OPCML: variants seen among roughly 807,000 people sequenced by gnomAD.
OPCML encodes opioid binding protein/cell adhesion molecule like.
In OPCML, 13 loss-of-function variants were observed where a neutral mutation model predicts 37.8. The observed-to-expected ratio is 0.34, with a 90% CI of 0.22 to 0.55. The LOEUF (loss-of-function observed/expected upper bound fraction) is 0.55, where lower values mean the gene tolerates loss of function less well. Ranked by LOEUF, OPCML falls within the 20% of genes least tolerant of loss-of-function variation. OPCML has a pLI of 0.91. For synonymous variants in OPCML, 176 were observed against 168.8 expected, an observed-to-expected ratio of 1.04 and a Z score of -0.33; for missense variants, 341 against 435.6, an observed-to-expected ratio of 0.78 and a Z score of 1.93.
chr11:132,470,393 G>C (rs1334123815), intron 4 of OPCML, among the ~76,000 whole-genome samples: 3 of 152,134 alleles, frequency 2.0e-5, no homozygotes, highest in Non-Finnish European at 4.4e-5. Context: ...GTGCTACAAT[G>C]AGATGGATAG....
chr11:133,343,475 T>C (rs1186838188), intron 1 of OPCML, among the ~76,000 whole-genome samples: 1 of 152,188 alleles, frequency 6.6e-6, no homozygotes, highest in African/African-American at 2.4e-5. Flanking sequence ...TATATTGCAA[T>C]TTCCTTCTGC....
rs921615883 is a variant in OPCML, at chr11:132,943,344, C to G, written c.62-334G>C. On this transcript the variant is annotated intron_variant, in intron 1 of 7. Transcript: ENST00000524381. This position sits in a 1 kb window ranked among gnomAD's most constrained non-coding sequence, Gnocchi z 4.3. ...ATCCAAAAAGAGCTTTCTTGACGCT[C>G]CCCTGGGGAGGAGGGAGGCGGCCAG... The G allele has an allele frequency of 1.8e-5, 10 of 560,144 alleles. No individual in the cohort carries two copies. In the Admixed American group the frequency reaches 2.1e-4, roughly 12 times the overall value. 34.7% of individuals were successfully genotyped at this position (560,144 alleles called of 1,614,324 possible). A position where few individuals can be genotyped will look rare whatever the true frequency, so the allele number is the denominator to read the frequency against.
chr11:132,543,293 CTTGAGA>C (rs781630820), intron 3 of OPCML, among the ~76,000 whole-genome samples: 9 of 152,090 alleles, frequency 5.9e-5, no homozygotes, highest in Non-Finnish European at 8.8e-5. Context: ...GGAAGGATTG[CTTGAGA>C]CCAGGAGTTT....
chr11:133,514,441 A>G (rs1948220618), intron 1 of OPCML, among the ~76,000 whole-genome samples: 1 of 152,298 alleles, frequency 6.6e-6, no homozygotes, highest in African/African-American at 2.4e-5. Flanking sequence ...TCAGCTTCCC[A>G]TGTGTGCTCC....
intron 1 of OPCML, among the ~76,000 whole-genome samples, chr11:133,038,965 G>C (rs1466028332): frequency 6.6e-6 from 1 of 152,220 alleles, no homozygotes; most frequent in Non-Finnish European, 1.5e-5. Flanking sequence ...GACAGTTTCA[G>C]AAATCAGCGG....
intron 1 of OPCML, among the ~76,000 whole-genome samples, chr11:133,132,825 G>A (rs953321441): frequency 3.4e-5 from 5 of 148,738 alleles, no homozygotes; most frequent in African/African-American, 1.2e-4. Flanking sequence ...TGATAGAAGC[G>A]ATCAGTATTT....
intron 3 of OPCML, among the ~76,000 whole-genome samples, chr11:132,544,352 C>T (rs2096364033): frequency 6.6e-6 from 1 of 152,104 alleles, no homozygotes; most frequent in African/African-American, 2.4e-5. Context: ...ACTAAGGCTC[C>T]CATTCCCTTG....
At chr11:133,082,612 C>CTCTCCT (rs1565438100) in intron 1 of OPCML, among the ~76,000 whole-genome samples, 5 of 92,948 alleles carry the variant, frequency 5.4e-5, no homozygotes, top group Non-Finnish European at 6.8e-5. Context: ...TCCCCCTTTC[C>CTCTCCT]CCTCTTACTA....
intron 3 of OPCML, among the ~76,000 whole-genome samples, chr11:132,590,805 G>C (rs1315618965): frequency 6.6e-6 from 1 of 152,120 alleles, no homozygotes; most frequent in African/African-American, 2.4e-5. Flanking sequence ...ATCCCTTTGT[G>C]TACTCTGCCT....
chr11:133,072,642 GGA>G (rs1948556160), intron 1 of OPCML, among the ~76,000 whole-genome samples: 1 of 152,180 alleles, frequency 6.6e-6, no homozygotes, highest in South Asian at 2.1e-4. Context: ...AGTTAGAGAA[GGA>G]GAGTGCGCTA....
At chr11:132,610,927 G>A (rs2137842109) in intron 3 of OPCML, among the ~76,000 whole-genome samples, 1 of 152,004 alleles carries the variant, frequency 6.6e-6, no homozygotes, top group Non-Finnish European at 1.5e-5. Flanking sequence ...TATACCTCAG[G>A]GGAGAGCTCC....
chr11:133,455,411 C>CT (rs1946654575), intron 1 of OPCML, among the ~76,000 whole-genome samples: 1 of 152,118 alleles, frequency 6.6e-6, no homozygotes, highest in South Asian at 2.1e-4. Flanking sequence ...TTTGGGGGTT[C>CT]TTTTTGCATC....
intron 1 of OPCML, among the ~76,000 whole-genome samples, chr11:133,262,633 T>C (rs1011366099): frequency 1.3e-5 from 2 of 152,202 alleles, no homozygotes; most frequent in African/African-American, 4.8e-5. Flanking sequence ...CCTACTGCCT[T>C]CTTTGCCAAC....
intron 4 of OPCML, among the ~76,000 whole-genome samples, chr11:132,509,565 T>C (rs2096264399): frequency 6.6e-6 from 1 of 152,158 alleles, no homozygotes; most frequent in Non-Finnish European, 1.5e-5. Context: ...CCTAGGGACT[T>C]GGTGCCCTGT....
chr11:132,501,997 T>G (rs2096246683), intron 4 of OPCML, among the ~76,000 whole-genome samples: 1 of 152,234 alleles, frequency 6.6e-6, no homozygotes, highest in Non-Finnish European at 1.5e-5. Flanking sequence ...ACACCTGCAT[T>G]GTTAAATGAT....
intron 1 of OPCML, among the ~76,000 whole-genome samples, chr11:133,106,986 CAGT>C (rs1949169254): frequency 6.6e-6 from 1 of 152,146 alleles, no homozygotes; most frequent in Non-Finnish European, 1.5e-5. Context: ...ACTTTCAACT[CAGT>C]AGGTAATACG....
intron 1 of OPCML, among the ~76,000 whole-genome samples, chr11:133,230,624 C>T (rs1940237837): frequency 6.6e-6 from 1 of 152,186 alleles, no homozygotes; most frequent in Non-Finnish European, 1.5e-5. Context: ...TGTTTGGTGG[C>T]CATAACTCAG....
intron 1 of OPCML, chr11:133,418,107 G>A: frequency 1.0e-6 from 1 of 985,426 alleles, no homozygotes; most frequent in Non-Finnish European, 1.2e-6. Context: ...CGGAGGACTG[G>A]TAAGAATATG....
chr11:132,888,506 G>A lies in OPCML; in HGVS notation c.146+54420C>T, dbSNP rs150843813. The stretch of plus-strand genomic sequence containing the variant: ...CATTTGTTTCAGTTTCTCCCCCCAC[G>A]CATCTGCTGTCCTTGCAAAGCAGGA... On this transcript the variant is annotated intron_variant, in intron 2 of 7. Coordinates refer to ENST00000524381, the MANE Select transcript of OPCML (RefSeq NM_001012393.5). 1.7e-3 allele frequency among the ~76,000 whole-genome samples: 261 copies of A among 151,942 alleles called. 1 individual carries two copies. Among genetic ancestry groups the A allele is most frequent in the Middle Eastern group, 6.8e-3 (2 of 294 alleles).
Sources: gnomAD v4.1 joint callset for allele counts (sites outside exome capture counted in the v4.1 genomes callset) on GRCh38, gnomAD v4.1.1 for gene constraint, Gnocchi (gnomAD v3.1) non-coding constraint, MANE v1.5 for transcripts, NCBI Gene and HGNC (gene_info 2026-07-23, HGNC 2026-07-21) for gene names.